The following PIK3CB variants were observed in gnomAD, a reference collection of about 807,000 sequenced individuals.
The protein encoded by PIK3CB is phosphatidylinositol-4,5-bisphosphate 3-kinase catalytic subunit beta, also known as phosphatidylinositol 4,5-bisphosphate 3-kinase catalytic subunit beta isoform.
PIK3CB carries 39 observed loss-of-function variants against 136.8 expected under a neutral mutation model. The ratio of observed to expected loss-of-function variants is 0.29; its 90% CI spans 0.22 to 0.37. PIK3CB has a LOEUF of 0.37. Ranked by LOEUF, PIK3CB falls within the 10% of genes least tolerant of loss-of-function variation. The pLI, the probability that PIK3CB is intolerant of heterozygous loss-of-function variation, is 1.00. For missense variants in PIK3CB, 868 were observed against 1,275.4 expected (o/e 0.68, Z 4.87); for synonymous variants, 428 against 436.6 (o/e 0.98, Z 0.25).
At chr3:138,801,834 G>A (rs139017960) in intron 1 of PIK3CB, among the ~76,000 whole-genome samples, 4,361 of 125,910 alleles carry the variant, frequency 0.035, 230 homozygotes, top group African/African-American at 0.12. Flanking sequence ...CTGCACTCCA[G>A]ACTGGTGACA....
At chr3:138,736,664 T>A (rs2045112449) in intron 6 of PIK3CB, among the ~76,000 whole-genome samples, 1 of 152,214 alleles carries the variant, frequency 6.6e-6, no homozygotes, top group Non-Finnish European at 1.5e-5. Context: ...ATAGCATATT[T>A]AAACTCCACT....
chr3:138,809,846 C>T (rs2046275015), intron 1 of PIK3CB, among the ~76,000 whole-genome samples: 1 of 152,066 alleles, frequency 6.6e-6, no homozygotes, highest in Admixed American at 6.6e-5. Context: ...GCAGATACCC[C>T]AGTAGTAAAG....
intron 6 of PIK3CB, 43 bp downstream of exon 6, chr3:138,737,664 T>TAC (rs1553731786): frequency 3.9e-6 from 3 of 771,152 alleles, no homozygotes; most frequent in Admixed American, 2.8e-5. Context: ...TATATATATA[T>TAC]ACTCATAGAC....
chr3:138,795,163 T>C (rs1322245800), intron 2 of PIK3CB, among the ~76,000 whole-genome samples: 1 of 150,266 alleles, frequency 6.7e-6, no homozygotes, highest in African/African-American at 2.5e-5. Context: ...CTACTAAAAA[T>C]ACAAAAATTA....
chr3:138,787,364 CAAAA>C (rs1204151568), intron 2 of PIK3CB, among the ~76,000 whole-genome samples: 5 of 52,080 alleles, frequency 9.6e-5, no homozygotes, highest in Admixed American at 2.3e-4. Context: ...AGACTCCGCT[CAAAA>C]AAAAAAAAAA....
At chr3:138,830,909 T>TAATAA (rs1934000389) in intron 1 of PIK3CB, among the ~76,000 whole-genome samples, 1 of 107,154 alleles carries the variant, frequency 9.3e-6, no homozygotes, top group East Asian at 2.4e-4. Context: ...CTCAAAATAA[T>TAATAA]AATAATAATA....
At chr3:138,809,606 C>CAAAA (rs57717750) in intron 1 of PIK3CB, among the ~76,000 whole-genome samples, 5 of 113,582 alleles carry the variant, frequency 4.4e-5, no homozygotes, top group Admixed American at 1.1e-4. Flanking sequence ...GACTTTGCCT[C>CAAAA]AAAAAAAAAA....
Position 138,698,988 on chromosome 3 carries a change from T to A in PIK3CB, c.1689A>T (p.Gln563His), listed in dbSNP as rs2108530294. The A allele has an allele frequency of 6.2e-7, 1 of 1,607,504 alleles. No homozygotes were observed. Among genetic ancestry groups the A allele is most frequent in the Non-Finnish European group, 8.5e-7 (1 of 1,175,426 alleles). The change falls in exon 13 of 24, where the codon CAA becomes CAT. Residue 563 changes from glutamine to histidine, a missense_variant. Physicochemically the swap from Gln to His is conservative, Grantham distance 24. Around this residue, in one of 4 missense-constraint regions of PIK3CB, gnomAD observed 612 missense variants for 801.1 expected, o/e 0.76. Coordinates refer to ENST00000674063, the MANE Select transcript of PIK3CB (RefSeq NM_006219.3). Reference protein sequence around the residue: ...NEMDLIWTLRQDCREIFPQSL... With the variant: ...NEMDLIWTLRHDCREIFPQSL... ...ATTGTGGGAAAATCTCTCGGCAGTC[T>A]TGTCGCAAAGTCCAAATAAGATCCA...
intron 12 of PIK3CB, 112 bp downstream of exon 12, chr3:138,704,331 T>C: frequency 1.3e-6 from 1 of 783,096 alleles, no homozygotes. Context: ...ACTCACAGAC[T>C]GTTCTTGCAT....
At chr3:138,740,660 C>CT (rs113752178) in intron 5 of PIK3CB, among the ~76,000 whole-genome samples, 32 of 148,528 alleles carry the variant, frequency 2.2e-4, no homozygotes, top group Admixed American at 4.7e-4. Flanking sequence ...AATATTGTAC[C>CT]TTTTTTTTTT....
rs574256002 is a variant in PIK3CB, at chr3:138,742,971, A to G, written c.398-190T>C. ...CCAGATAAAACAATAAATCTCATGT[A>G]CAGAAGACAAACATACAATTATATT... On this transcript the variant is annotated intron_variant, in intron 4 of 23. Transcript: ENST00000674063. Among the ~76,000 whole-genome samples the G allele has an allele frequency of 1.9e-4, 29 of 152,332 alleles. No homozygotes were observed. In the Middle Eastern group the frequency reaches 0.014, roughly 71 times the overall value.
intron 8 of PIK3CB, among the ~76,000 whole-genome samples, chr3:138,729,739 T>C (rs1576364683): frequency 6.6e-6 from 1 of 152,186 alleles, no homozygotes; most frequent in African/African-American, 2.4e-5. Flanking sequence ...ACTGGCTCTC[T>C]TGGGTCTCCA....
chr3:138,780,659 C>CT (rs1179797962), intron 2 of PIK3CB, among the ~76,000 whole-genome samples: 2 of 151,952 alleles, frequency 1.3e-5, no homozygotes, highest in Non-Finnish European at 2.9e-5. Flanking sequence ...AAAATTATGT[C>CT]TTTTTTCTTT....
Position 138,679,496 on chromosome 3 carries a change from A to C in PIK3CB, c.2504+2471T>G, listed in dbSNP as rs567206226. ...ATAGTTCAGGAGTCAATAAGATAAA[A>C]ATAGAAATTATGAAATATTTAGAAT... On this transcript the variant is annotated intron_variant, in intron 19 of 23. Coordinates refer to ENST00000674063, the MANE Select transcript of PIK3CB (RefSeq NM_006219.3). Among the ~76,000 whole-genome samples the C allele has an allele frequency of 2.8e-3, 420 of 152,184 alleles. 4 individuals are homozygous for C. The highest frequency in any genetic ancestry group is 8.4e-3 in the African/African-American group (347 of 41,556).
chr3:138,669,003 C>T (rs2108436961), intron 19 of PIK3CB, among the ~76,000 whole-genome samples: 1 of 152,314 alleles, frequency 6.6e-6, no homozygotes, highest in East Asian at 1.9e-4. Flanking sequence ...CCATGGCTTC[C>T]AAAGGAGAAA....
intron 1 of PIK3CB, among the ~76,000 whole-genome samples, chr3:138,816,172 G>A (rs923831168): frequency 2.0e-5 from 3 of 152,032 alleles, no homozygotes; most frequent in Admixed American, 6.6e-5. Context: ...GCATAGTGGC[G>A]CATGCCTGTG....
intron 12 of PIK3CB, among the ~76,000 whole-genome samples, chr3:138,702,889 A>G (rs1288328476): frequency 6.6e-6 from 1 of 152,196 alleles, no homozygotes; most frequent in African/African-American, 2.4e-5. Flanking sequence ...CTACATCCTC[A>G]GCAAGAAAAA....
chr3:138,760,626 GC>G (rs2045650916), intron 2 of PIK3CB, among the ~76,000 whole-genome samples: 2 of 152,184 alleles, frequency 1.3e-5, no homozygotes, highest in African/African-American at 4.8e-5. Context: ...GAGACAGGAG[GC>G]CGGGCACAGT....
At chr3:138,707,433 T>C (rs2044402882) in intron 10 of PIK3CB, 144 bp from the exon 11 acceptor site, 2 of 1,367,412 alleles carry the variant, frequency 1.5e-6, no homozygotes, top group Non-Finnish European at 1.9e-6. Flanking sequence ...TCAGTAATCC[T>C]CTAATTTTCT....
Sources: allele counts gnomAD v4.1 joint callset (sites outside exome capture counted in the v4.1 genomes callset), GRCh38; gene constraint gnomAD v4.1.1; regional missense constraint gnomAD v4.1.1; transcripts MANE v1.5; gene names NCBI Gene and HGNC (gene_info 2026-07-23, HGNC 2026-07-21).